Variants in KCNQ5 observed in about 807,000 individuals in gnomAD.
KCNQ5 encodes the protein potassium voltage-gated channel subfamily KQT member 5.
A neutral mutation model predicts 98.2 loss-of-function variants in KCNQ5; 30 were observed. The observed-to-expected ratio is 0.31, with a 90% confidence interval of 0.23 to 0.41. KCNQ5 has a LOEUF of 0.41. KCNQ5 is among the 10% of genes least tolerant of loss of function. KCNQ5 has a pLI of 1.00. For synonymous variants in KCNQ5, 458 were observed against 449.4 expected (o/e 1.02, Z -0.24); for missense variants, 835 against 1,182.5 (o/e 0.71, Z 4.31).
intron 1 of KCNQ5, among the ~76,000 whole-genome samples, chr6:72,709,053 T>C (rs907806863): frequency 4.6e-5 from 7 of 152,184 alleles, no homozygotes; most frequent in African/African-American, 1.4e-4. Flanking sequence ...ATAATGTTGA[T>C]CAGTTTTGTT....
chr6:73,079,171 A>G (rs1391739299), intron 5 of KCNQ5, among the ~76,000 whole-genome samples: 2 of 152,090 alleles, frequency 1.3e-5, no homozygotes, highest in African/African-American at 4.8e-5. Context: ...GTGTGGTGGC[A>G]CACTCCTGTA....
At chr6:72,916,155 G>A (rs1033085996) in intron 1 of KCNQ5, among the ~76,000 whole-genome samples, 1 of 152,188 alleles carries the variant, frequency 6.6e-6, no homozygotes, top group African/African-American at 2.4e-5. Flanking sequence ...CACAGTGACA[G>A]TGTGGAAACA....
chr6:72,831,626 G>A (rs1776274675), intron 1 of KCNQ5, among the ~76,000 whole-genome samples: 1 of 151,648 alleles, frequency 6.6e-6, no homozygotes, highest in Admixed American at 6.6e-5. Flanking sequence ...TATACCTAAT[G>A]TAAATGACCA....
chr6:72,800,424 T>C (rs372890291), intron 1 of KCNQ5, among the ~76,000 whole-genome samples: 3 of 152,358 alleles, frequency 2.0e-5, no homozygotes, highest in East Asian at 3.9e-4. Context: ...GAGGTGTTTG[T>C]AGTATTCTCT....
intron 2 of KCNQ5, among the ~76,000 whole-genome samples, chr6:73,023,005 T>C (rs981036345): frequency 6.6e-6 from 1 of 152,140 alleles, no homozygotes; most frequent in Non-Finnish European, 1.5e-5. Context: ...TCTGATCAAA[T>C]TTGGTTTTGA....
chr6:72,918,424 G>C (rs765308387), intron 1 of KCNQ5, among the ~76,000 whole-genome samples: 19 of 151,864 alleles, frequency 1.3e-4, no homozygotes, highest in Non-Finnish European at 2.6e-4. Flanking sequence ...TTGTTCATGT[G>C]CTCAAAAGTC....
chr6:73,134,145 G>A (rs1008082091), intron 10 of KCNQ5: 1 of 300,434 alleles, frequency 3.3e-6, no homozygotes, highest in Non-Finnish European at 6.7e-6. Context: ...TCCTTAGAGA[G>A]GTTCCTGTTG....
chr6:72,897,087 G>GT (rs1278684367), intron 1 of KCNQ5, among the ~76,000 whole-genome samples: 1 of 152,086 alleles, frequency 6.6e-6, no homozygotes, highest in African/African-American at 2.4e-5. Flanking sequence ...AAAACAGAAC[G>GT]TATTTGGGTA....
At chr6:73,021,942 C>T (rs553867552) in intron 2 of KCNQ5, among the ~76,000 whole-genome samples, 147 of 151,958 alleles carry the variant, frequency 9.7e-4, no homozygotes, top group African/African-American at 3.3e-3. Context: ...ATTCACTTAC[C>T]CTTCTGAGTC....
intron 11 of KCNQ5, among the ~76,000 whole-genome samples, chr6:73,186,526 C>T (rs1018401003): frequency 1.6e-4 from 25 of 152,190 alleles, no homozygotes; most frequent in Admixed American, 9.2e-4. Flanking sequence ...AGTGTAAATA[C>T]TCCTGTCATA....
At chr6:73,180,442 A>G (rs1246952807) in intron 11 of KCNQ5, among the ~76,000 whole-genome samples, 1 of 152,178 alleles carries the variant, frequency 6.6e-6, no homozygotes, top group Non-Finnish European at 1.5e-5. Context: ...ACGGGGAAGC[A>G]TTTCAGTTCT....
At chr6:72,639,442 T>C (rs2098925999) in intron 1 of KCNQ5, among the ~76,000 whole-genome samples, 3 of 152,132 alleles carry the variant, frequency 2.0e-5, no homozygotes, top group African/African-American at 7.2e-5. Flanking sequence ...GGAAACATGA[T>C]GTCCTGGAAA....
chr6:72,823,524 T>C (rs957015595), intron 1 of KCNQ5, among the ~76,000 whole-genome samples: 1 of 152,152 alleles, frequency 6.6e-6, no homozygotes, highest in Non-Finnish European at 1.5e-5. Context: ...TGCCTATGTG[T>C]TTTTTCAGCG....
At chr6:72,982,169 G>A (rs1212009579) in intron 1 of KCNQ5, among the ~76,000 whole-genome samples, 4 of 152,176 alleles carry the variant, frequency 2.6e-5, no homozygotes, top group Non-Finnish European at 4.4e-5. Flanking sequence ...TGTCTATTAG[G>A]TCTGCTTGGT....
chr6:73,027,820 A>G (rs1770959397), intron 2 of KCNQ5, among the ~76,000 whole-genome samples: 1 of 152,218 alleles, frequency 6.6e-6, no homozygotes, highest in Non-Finnish European at 1.5e-5. Context: ...GATGAATTGT[A>G]TTAGTGTTCT....
rs576621931 is a variant in KCNQ5 at position 72,842,955 on chromosome 6, T to C, written c.399-160953T>C. ...GTAGGTTGCCTGTTTGCTCTGATGA[T>C]AGTTTCTTTGCTGTGCAGAAGCTCT... On this transcript the variant is annotated intron_variant, in intron 1 of 13. Coordinates refer to ENST00000370398, the MANE Select transcript of KCNQ5 (RefSeq NM_019842.4). 5.3e-5 allele frequency among the ~76,000 whole-genome samples: 8 copies of C among 152,324 alleles called. No individual in the cohort carries two copies. In the South Asian group the frequency reaches 1.7e-3, roughly 32 times the overall value.
intron 1 of KCNQ5, among the ~76,000 whole-genome samples, chr6:72,701,605 G>T (rs1768811975): frequency 1.3e-5 from 2 of 151,920 alleles, no homozygotes; most frequent in South Asian, 4.2e-4. Flanking sequence ...TAGAGTTGGG[G>T]GTCTCATTCT....
At chr6:72,651,663 C>T (rs917247076) in intron 1 of KCNQ5, among the ~76,000 whole-genome samples, 7 of 151,932 alleles carry the variant, frequency 4.6e-5, no homozygotes, top group South Asian at 2.1e-4. Flanking sequence ...GCAATGTGTA[C>T]CTCAATTTTG....
chr6:72,849,268 T>C (rs1035306681), intron 1 of KCNQ5, among the ~76,000 whole-genome samples: 5 of 152,194 alleles, frequency 3.3e-5, no homozygotes, highest in African/African-American at 1.2e-4. Flanking sequence ...AGGTATCTTT[T>C]TGCTATCACA....
Sources: gnomAD v4.1 joint callset for allele counts (sites outside exome capture counted in the v4.1 genomes callset) on GRCh38, gnomAD v4.1.1 for gene constraint, MANE v1.5 for transcripts, NCBI Gene and HGNC (gene_info 2026-07-23, HGNC 2026-07-21) for gene names.